The following PLPP1 variants were observed in gnomAD, a reference collection of about 807,000 sequenced individuals.
The protein encoded by PLPP1 is lipid phosphate phosphohydrolase 1a.
Under a neutral mutation model 31.2 loss-of-function variants are expected in PLPP1, and 24 were observed. The observed-to-expected ratio is 0.77, with a 90% CI of 0.56 to 1.08. The LOEUF (loss-of-function observed/expected upper bound fraction) is 1.08. Ranked by LOEUF, PLPP1 falls within the 50% of genes least tolerant of loss-of-function variation. PLPP1 has a pLI of 0.00. For missense variants in PLPP1, 319 were observed against 342.7 expected, an observed-to-expected ratio of 0.93 and a Z score of 0.55; for synonymous variants, 146 against 126.3, an observed-to-expected ratio of 1.16 and a Z score of -1.05.
At chr5:55,450,111 T>C (rs557258692) in intron 3 of PLPP1, among the ~76,000 whole-genome samples, 5 of 152,348 alleles carry the variant, frequency 3.3e-5, no homozygotes, top group Middle Eastern at 3.4e-3. Context: ...TTAAAGCTAC[T>C]CTATTATATA....
intron 2 of PLPP1, among the ~76,000 whole-genome samples, chr5:55,472,325 G>A (rs990767343): frequency 1.2e-4 from 19 of 152,172 alleles, no homozygotes; most frequent in African/African-American, 3.6e-4. Flanking sequence ...AGTATAGGCC[G>A]GGCGCAGTGG....
At chr5:55,491,229 G>A in intron 1 of PLPP1, 1 of 1,071,706 alleles carries the variant, frequency 9.3e-7, no homozygotes, top group Non-Finnish European at 1.3e-6. Context: ...CTCTGGAGAT[G>A]GATCTCCATT....
chr5:55,501,287 T>C (rs1321861069), intron 1 of PLPP1, among the ~76,000 whole-genome samples: 1 of 151,994 alleles, frequency 6.6e-6, no homozygotes, highest in African/African-American at 2.4e-5. Flanking sequence ...CACTCCAGCC[T>C]GGACAACAAA....
In PLPP1 at chr5:55,512,727, C is replaced by CACACACACAT. The variant is rs973567015; in HGVS notation, c.58+21844_58+21845insATGTGTGTGT. On this transcript the variant is annotated intron_variant, in intron 1 of 5. Coordinates refer to ENST00000307259, the MANE Select transcript of PLPP1 (RefSeq NM_003711.4). ...AGAGTAAAATACATTATAAACTACACACACACACACACACACCCCTTTGGG... is the reference window on the plus strand; with the variant it reads ...AGAGTAAAATACATTATAAACTACACACACACACATACACACACACACACACCCCTTTGGG... Among the ~76,000 whole-genome samples, 325 of 151,026 alleles carry CACACACACAT rather than the reference C, an allele frequency of 2.2e-3. 2 individuals are homozygous for CACACACACAT. Among genetic ancestry groups the CACACACACAT allele is most frequent in the African/African-American group, 7.3e-3 (300 of 41,294 alleles).
intron 4 of PLPP1, 25 bp from the exon 5 acceptor site, chr5:55,426,064 A>C (rs772393611): frequency 1.3e-6 from 2 of 1,551,446 alleles, no homozygotes; most frequent in South Asian, 2.5e-5. Flanking sequence ...TAAAGAAAAA[A>C]ATAGTTTATT....
At chr5:55,462,400 T>C (rs865881729) in intron 3 of PLPP1, among the ~76,000 whole-genome samples, 38 of 152,350 alleles carry the variant, frequency 2.5e-4, no homozygotes, top group Admixed American at 7.8e-4. Context: ...AATGTTTTTT[T>C]TCGGTCAATA....
chr5:55,501,883 T>C (rs955884066), intron 1 of PLPP1, among the ~76,000 whole-genome samples: 3 of 152,174 alleles, frequency 2.0e-5, no homozygotes, highest in Non-Finnish European at 4.4e-5. Flanking sequence ...AGAAATAACC[T>C]TGAGACTCAA....
chr5:55,491,655 C>G (rs1752889503), intron 1 of PLPP1, among the ~76,000 whole-genome samples: 1 of 151,894 alleles, frequency 6.6e-6, no homozygotes, highest in Non-Finnish European at 1.5e-5. Context: ...ATGAAGAGTT[C>G]AAGACGAGCC....
At chr5:55,532,707 C>T (rs1740714130) in intron 1 of PLPP1, among the ~76,000 whole-genome samples, 2 of 151,958 alleles carry the variant, frequency 1.3e-5, no homozygotes, top group African/African-American at 4.8e-5. Context: ...GCCTGTAATC[C>T]CAGCACTTTG....
In PLPP1 at chr5:55,425,929, A is replaced by G; in HGVS notation, c.660T>C (p.Asp220=). ...SIYVGLSRVS[D]YKHHWSDVLT... is the part of the protein sequence containing the mutation. ...ACACATCGCTCCAGTGGTGTTTATA[A>G]TCAGAAACTCGAGAAAGGCCCACAT... is the stretch of plus-strand genomic sequence containing the variant. The change falls in exon 5 of 6, where the codon GAT becomes GAC. Residue 220 remains aspartate, a synonymous_variant. Coordinates refer to ENST00000307259, the MANE Select transcript of PLPP1 (RefSeq NM_003711.4). 6.2e-7 allele frequency: 1 copy of G among 1,614,040 alleles called. No individual in the cohort carries two copies. Among genetic ancestry groups the G allele is most frequent in the Non-Finnish European group, 8.5e-7 (1 of 1,180,000 alleles).
At chr5:55,523,377 A>G (rs1753715427) in intron 1 of PLPP1, among the ~76,000 whole-genome samples, 1 of 152,072 alleles carries the variant, frequency 6.6e-6, no homozygotes, top group African/African-American at 2.4e-5. Flanking sequence ...CACCCTCTCC[A>G]TTTATTACAA....
intron 2 of PLPP1, among the ~76,000 whole-genome samples, chr5:55,473,628 T>C (rs1752468795): frequency 6.6e-6 from 1 of 152,036 alleles, no homozygotes; most frequent in Admixed American, 6.6e-5. Context: ...CAACTATATA[T>C]ATTTTTTAAT....
intron 5 of PLPP1, 191 bp from the exon 6 acceptor site, chr5:55,425,525 A>G: frequency 1.9e-6 from 1 of 536,574 alleles, no homozygotes; most frequent in African/African-American, 2.0e-5. Context: ...TTGCTTTGTT[A>G]TGCCTTCAGC....
intron 1 of PLPP1, among the ~76,000 whole-genome samples, chr5:55,488,339 T>C (rs1173632117): frequency 1.3e-5 from 2 of 151,786 alleles, no homozygotes; most frequent in African/African-American, 4.8e-5. Flanking sequence ...GGTGTGCTCA[T>C]AATGATATAA....
At chr5:55,482,169 CA>C (rs1752680717) in intron 1 of PLPP1, among the ~76,000 whole-genome samples, 1 of 147,692 alleles carries the variant, frequency 6.8e-6, no homozygotes, top group East Asian at 2.0e-4. Flanking sequence ...ATATCTCATA[CA>C]TATATATATA....
chr5:55,481,829 C>T lies in PLPP1; in HGVS notation c.59-6379G>A, dbSNP rs566842906. Among the ~76,000 whole-genome samples, 12 of 152,052 alleles carry T rather than the reference C, an allele frequency of 7.9e-5. No individual in the cohort carries two copies. The East Asian group carries it at 2.3e-3, about 29-fold the overall frequency. ...AAGAATTGAGAATCAGTACTTTCCACAATGCTGTGGATAGGAAATGCAGCT... is the reference window on the plus strand; with the variant it reads ...AAGAATTGAGAATCAGTACTTTCCATAATGCTGTGGATAGGAAATGCAGCT... On this transcript the variant is annotated intron_variant, in intron 1 of 5. Coordinates refer to ENST00000307259, the MANE Select transcript of PLPP1 (RefSeq NM_003711.4).
chr5:55,473,456 TATTA>T (rs1261122903), intron 2 of PLPP1, among the ~76,000 whole-genome samples: 1 of 152,194 alleles, frequency 6.6e-6, no homozygotes, highest in East Asian at 1.9e-4. Context: ...GGTTTTCTTT[TATTA>T]ATTATGCACC....
chr5:55,448,872 T>G (rs1037569472), intron 3 of PLPP1, among the ~76,000 whole-genome samples: 1 of 152,192 alleles, frequency 6.6e-6, no homozygotes, highest in South Asian at 2.1e-4. Context: ...GACACAGTAT[T>G]TGCATATAAC....
rs562505985 is a variant in PLPP1, at chr5:55,503,968, A to G, written c.59-28518T>C. ...AGGGGTGGTTCTTAATTTCTTGGGG[A>G]TTATGGACCTCCTTAAGACTAATGG... On this transcript the variant is annotated intron_variant, in intron 1 of 5. Coordinates refer to ENST00000307259, the MANE Select transcript of PLPP1 (RefSeq NM_003711.4). Among the ~76,000 whole-genome samples, 42 of 149,920 alleles carry G rather than the reference A, an allele frequency of 2.8e-4. No homozygotes were observed. The South Asian group carries it at 8.8e-3, about 31-fold the overall frequency.
Sources: gnomAD v4.1 joint callset for allele counts (sites outside exome capture counted in the v4.1 genomes callset) on GRCh38, gnomAD v4.1.1 for gene constraint, MANE v1.5 for transcripts, NCBI Gene and HGNC (gene_info 2026-07-23, HGNC 2026-07-21) for gene names.